The following SEC22A variants were observed in gnomAD, a reference collection of about 807,000 sequenced individuals.
SEC22A encodes SEC22 homolog A, vesicle trafficking protein, also known as vesicle-trafficking protein SEC22a.
A neutral mutation model predicts 35.3 loss-of-function variants in SEC22A; 22 were observed. The ratio of observed to expected loss-of-function variants is 0.62; its 90% confidence interval spans 0.45 to 0.89. The LOEUF is 0.89. SEC22A is among the 40% of genes least tolerant of loss of function. SEC22A has a pLI of 0.00. For missense variants in SEC22A, 354 were observed against 362.5 expected (o/e 0.98, Z 0.19); for synonymous variants, 119 against 129.5 (o/e 0.92, Z 0.55).
chr3:123,249,965 G>A (rs1937597845), intron 5 of SEC22A, among the ~76,000 whole-genome samples: 1 of 152,174 alleles, frequency 6.6e-6, no homozygotes, highest in South Asian at 2.1e-4. Flanking sequence ...ATTTACAAGG[G>A]TTTTATTTTA....
intron 4 of SEC22A, among the ~76,000 whole-genome samples, chr3:123,236,271 A>C (rs1005698078): frequency 6.6e-6 from 1 of 152,164 alleles, no homozygotes; most frequent in Admixed American, 6.5e-5. Flanking sequence ...TCTAGTAGTG[A>C]TGGAGTAGGT....
intron 4 of SEC22A, among the ~76,000 whole-genome samples, chr3:123,243,462 G>A (rs547379927): frequency 1.3e-5 from 2 of 151,950 alleles, no homozygotes; most frequent in South Asian, 2.1e-4. Context: ...TTTTCTCTGC[G>A]TGGAATGCAT....
intron 4 of SEC22A, among the ~76,000 whole-genome samples, chr3:123,243,249 G>T (rs572210645): frequency 6.6e-6 from 1 of 151,018 alleles, no homozygotes; most frequent in South Asian, 2.1e-4. Flanking sequence ...TCTGGGAGGG[G>T]TGGGGAGGGG....
Position 123,272,920 on chromosome 3 carries a change from A to C in SEC22A, c.*1198A>C, listed in dbSNP as rs1308217186. On this transcript the variant is annotated 3_prime_UTR_variant, in exon 7 of 7. Transcript: ENST00000492595. ...GGCTTTGAGGAATTAAGCCCCTAGTATCTGAGAGAACTTACTTGTTTTTTG... is the reference window on the plus strand; with the variant it reads ...GGCTTTGAGGAATTAAGCCCCTAGTCTCTGAGAGAACTTACTTGTTTTTTG... The C allele has an allele frequency of 6.5e-6, 1 of 153,786 alleles. No homozygotes were observed. Among genetic ancestry groups the C allele is most frequent in the Non-Finnish European group, 1.5e-5 (1 of 68,032 alleles). 9.5% of individuals were successfully genotyped at this position (153,786 alleles called of 1,614,324 possible).
chr3:123,240,904 A>G (rs992636128), intron 4 of SEC22A, among the ~76,000 whole-genome samples: 1 of 151,408 alleles, frequency 6.6e-6, no homozygotes, highest in Non-Finnish European at 1.5e-5. Context: ...TTTTTCATCT[A>G]TTTTATCATT....
chr3:123,261,272 A>C (rs1937890112), intron 6 of SEC22A, among the ~76,000 whole-genome samples: 4 of 152,168 alleles, frequency 2.6e-5, no homozygotes, highest in Admixed American at 2.6e-4. Flanking sequence ...ATAGTGCTTT[A>C]ATTTTATGAA....
At chr3:123,245,138 T>G (rs1311050742) in intron 4 of SEC22A, among the ~76,000 whole-genome samples, 1 of 152,176 alleles carries the variant, frequency 6.6e-6, no homozygotes, top group East Asian at 1.9e-4. Context: ...TCCAGTGATA[T>G]TTATAGCCCT....
At chr3:123,263,407 C>G (rs1394860307) in intron 6 of SEC22A, among the ~76,000 whole-genome samples, 1 of 152,228 alleles carries the variant, frequency 6.6e-6, no homozygotes, top group Non-Finnish European at 1.5e-5. Context: ...GGGGGCTCCG[C>G]CCTCATGACT....
chr3:123,241,807 A>G (rs1318238906), intron 4 of SEC22A, among the ~76,000 whole-genome samples: 2 of 152,156 alleles, frequency 1.3e-5, no homozygotes, highest in African/African-American at 4.8e-5. Flanking sequence ...CTGTTCATCC[A>G]TGAAAAAGAT....
At chr3:123,259,046 C>T (rs1322244471) in intron 5 of SEC22A, among the ~76,000 whole-genome samples, 1 of 152,070 alleles carries the variant, frequency 6.6e-6, no homozygotes, top group Non-Finnish European at 1.5e-5. Flanking sequence ...TGGACAGTAG[C>T]TTTTCAGTTT....
chr3:123,267,396 T>C (rs1307605196), intron 6 of SEC22A, among the ~76,000 whole-genome samples: 1 of 152,176 alleles, frequency 6.6e-6, no homozygotes, highest in Non-Finnish European at 1.5e-5. Context: ...TTTTAAATGA[T>C]TGCTGTAGGC....
At chr3:123,211,676 C>T (rs1182160355) in intron 2 of SEC22A, among the ~76,000 whole-genome samples, 1 of 152,064 alleles carries the variant, frequency 6.6e-6, no homozygotes, top group Non-Finnish European at 1.5e-5. Flanking sequence ...CTAGGTTGAC[C>T]TCAAACACCT....
At chr3:123,241,001 T>TGACACACA (rs1491343378) in intron 4 of SEC22A, among the ~76,000 whole-genome samples, 1 of 50,804 alleles carries the variant, frequency 2.0e-5, no homozygotes, top group Non-Finnish European at 3.6e-5. Context: ...TCTCTCTTTC[T>TGACACACA]TACACACACA....
At chr3:123,229,070 T>C (rs1320227370) in intron 4 of SEC22A, among the ~76,000 whole-genome samples, 3 of 151,940 alleles carry the variant, frequency 2.0e-5, no homozygotes, top group Non-Finnish European at 2.9e-5. Context: ...GAAAAAATAT[T>C]TGAGGAAATA....
intron 4 of SEC22A, among the ~76,000 whole-genome samples, chr3:123,232,755 A>G (rs1436584063): frequency 6.6e-6 from 1 of 152,212 alleles, no homozygotes; most frequent in East Asian, 1.9e-4. Context: ...ATCACAAAGA[A>G]AGTAAAATGC....
At chr3:123,230,029 T>C (rs1042666167) in intron 4 of SEC22A, among the ~76,000 whole-genome samples, 21 of 151,920 alleles carry the variant, frequency 1.4e-4, no homozygotes, top group African/African-American at 4.8e-4. Context: ...ATGCCTGTAA[T>C]CTTAATACTT....
intron 6 of SEC22A, among the ~76,000 whole-genome samples, chr3:123,269,625 A>ATTTTTTT (rs35895285): frequency 3.4e-5 from 3 of 89,480 alleles, no homozygotes; most frequent in Non-Finnish European, 6.6e-5. Context: ...AAGGACATGA[A>ATTTTTTT]TTTTTTTTTT....
At chr3:123,206,254 C>T (rs1446708269) in intron 1 of SEC22A, among the ~76,000 whole-genome samples, 1 of 152,094 alleles carries the variant, frequency 6.6e-6, no homozygotes, top group Non-Finnish European at 1.5e-5. Flanking sequence ...CCACCATGCC[C>T]AGCTGATTTT....
At chr3:123,203,964 C>T (rs1936803137) in intron 1 of SEC22A, among the ~76,000 whole-genome samples, 1 of 152,170 alleles carries the variant, frequency 6.6e-6, no homozygotes, top group Non-Finnish European at 1.5e-5. Context: ...GAATGTCGAA[C>T]ACTGCTAGTG....
Sources: allele counts gnomAD v4.1 joint callset (sites outside exome capture counted in the v4.1 genomes callset), GRCh38; gene constraint gnomAD v4.1.1; transcripts MANE v1.5; gene names NCBI Gene and HGNC (gene_info 2026-07-23, HGNC 2026-07-21).